Variants in IRF9 observed in about 807,000 individuals in gnomAD.
IRF9 encodes the protein interferon regulatory factor 9, also known as IFN-alpha-responsive transcription factor subunit.
A neutral mutation model predicts 44.1 loss-of-function variants in IRF9; 13 were observed. The observed-to-expected ratio is 0.29, with a 90% CI of 0.19 to 0.47. The LOEUF (loss-of-function observed/expected upper bound fraction) is 0.47. Ranked by LOEUF, IRF9 falls within the 20% of genes least tolerant of loss-of-function variation. The probability of loss-of-function intolerance (pLI) is 1.00; values close to 1 mark genes in which losing one functional copy is unlikely to be tolerated. For synonymous variants in IRF9, 189 were observed against 188.5 expected, an observed-to-expected ratio of 1.00 and a Z score of -0.02; for missense variants, 373 against 496.1, an observed-to-expected ratio of 0.75 and a Z score of 2.36.
In IRF9 at chr14:24,166,127, G is replaced by A. The variant is rs1256498544; in HGVS notation, c.1113G>A (p.Glu371=). Residue 371 remains glutamate, a synonymous_variant, in exon 9 of 9, where the codon GAG becomes GAA. Coordinates refer to ENST00000396864, the MANE Select transcript of IRF9 (RefSeq NM_006084.5). Reference sequence around the variant, plus strand: ...CTCCATCTCTTCCAATACAGATGGAGCAGGCCTTTGCCCGATACTTGCTGG... The same window carrying A: ...CTCCATCTCTTCCAATACAGATGGAACAGGCCTTTGCCCGATACTTGCTGG... ...TPQNLITVKM[E]QAFARYLLEQ... is the part of the protein sequence containing the mutation. 1 of 1,613,942 alleles carries A rather than the reference G, an allele frequency of 6.2e-7. No homozygotes were observed. The highest frequency in any genetic ancestry group is 8.5e-7 in the Non-Finnish European group (1 of 1,179,980).
At chr14:24,165,113 T>TGGCC (rs747066877) in intron 7 of IRF9, 158 bp downstream of exon 7, 34 of 768,076 alleles carry the variant, frequency 4.4e-5, no homozygotes, top group Non-Finnish European at 4.9e-5. Context: ...ATATCCTGTG[T>TGGCC]GGCCATATGC....
At position 24,162,206 on chromosome 14, in the gene IRF9, A is replaced by G. The variant is rs1377923513; in HGVS notation, c.62A>G (p.Glu21Gly). ...CGGAACTGGGTGGTGGAGCAAGTGG[A>G]GAGTGGGCAGTTTCCCGGAGTGTGC... The part of the protein sequence containing the change: ...KLRNWVVEQV[E>G]SGQFPGVCWD... Residue 21 changes from glutamate to glycine, a missense_variant, in exon 2 of 9, where the codon GAG becomes GGG. Physicochemically the swap from Glu to Gly is moderately conservative, Grantham distance 98 (BLOSUM62 -2). Around this residue, in one of 2 missense-constraint regions of IRF9, gnomAD observed 227 missense variants for 255.3 expected, o/e 0.89. Transcript: ENST00000396864. The G allele has an allele frequency of 6.2e-7, 1 of 1,614,126 alleles. No homozygotes were observed. The highest frequency in any genetic ancestry group is 8.5e-7 in the Non-Finnish European group (1 of 1,180,030).
In IRF9 at chr14:24,164,574, C is replaced by T. The variant is rs1332851396; in HGVS notation, c.650-40C>T. The stretch of plus-strand genomic sequence containing the variant: ...CTGGGGAGGGGCTGCTGCCAGCCTG[C>T]ATGCTCCTCCAGCACCAGGTAGGGC... On this transcript the variant is annotated intron_variant, in intron 6 of 8. Transcript: ENST00000396864. This position sits in a 1 kb window ranked among gnomAD's most constrained non-coding sequence, Gnocchi z 5.2. The T allele has an allele frequency of 4.6e-6, 7 of 1,529,622 alleles. No homozygotes were observed. The Admixed American group carries it at 5.7e-5, about 12-fold the overall frequency. 94.8% of individuals were successfully genotyped at this position (1,529,622 alleles called of 1,614,324 possible). A position where few individuals can be genotyped will look rare whatever the true frequency, so the allele number is the denominator to read the frequency against.
chr14:24,162,592 G>C (rs2038473745), intron 2 of IRF9: 1 of 448,142 alleles, frequency 2.2e-6, no homozygotes, highest in African/African-American at 2.0e-5. Context: ...ACGAGGTCAA[G>C]AGATCAAGAC....
In IRF9 at chr14:24,164,368, T is replaced by C. The variant is rs1594389985; in HGVS notation, c.649+234T>C. The C allele has an allele frequency of 3.3e-6, 2 of 602,962 alleles. No homozygotes were observed. Among genetic ancestry groups the C allele is most frequent in the African/African-American group, 1.9e-5 (1 of 53,914 alleles). 37.4% of individuals were successfully genotyped at this position (602,962 alleles called of 1,614,324 possible). Reference sequence around the variant, plus strand: ...TCTCCTGGAAATCTACATTGAGACATTGATTTCATTGGGCCAAACAGAGGC... The same window carrying C: ...TCTCCTGGAAATCTACATTGAGACACTGATTTCATTGGGCCAAACAGAGGC... On this transcript the variant is annotated intron_variant, in intron 6 of 8. Transcript: ENST00000396864. This position sits in a 1 kb window ranked among gnomAD's most constrained non-coding sequence, Gnocchi z 5.2.
At position 24,164,634 on chromosome 14, in the gene IRF9, T is replaced by A; in HGVS notation, c.670T>A (p.Phe224Ile). Residue 224 changes from phenylalanine (F) to isoleucine (I), a missense_variant, in exon 7 of 9, where the codon TTC (phenylalanine) becomes ATC (isoleucine). Around this residue, in one of 2 missense-constraint regions of IRF9, gnomAD observed 146 missense variants for 240.8 expected, o/e 0.61. Transcript: ENST00000396864. This position sits in a 1 kb window ranked among gnomAD's most constrained non-coding sequence, Gnocchi z 5.2. The stretch of plus-strand genomic sequence containing the variant: ...CCCAGACTACTCACTGCTGCTCACC[T>A]TCATCTACAACGGGCGCGTGGTGGG... ...PEPDYSLLLT[F>I]IYNGRVVGEA... 6.2e-7 allele frequency: 1 copy of A among 1,606,658 alleles called. No homozygotes were observed. Among genetic ancestry groups the A allele is most frequent in the Non-Finnish European group, 8.5e-7 (1 of 1,174,952 alleles).
At position 24,164,450 on chromosome 14, in the gene IRF9, C is replaced by G. The variant is rs2038497834; in HGVS notation, c.650-164C>G. The G allele has an allele frequency of 1.5e-6, 1 of 688,104 alleles. No individual in the cohort carries two copies. The highest frequency in any genetic ancestry group is 2.5e-6 in the Non-Finnish European group (1 of 405,864). 42.6% of individuals were successfully genotyped at this position (688,104 alleles called of 1,614,324 possible). On this transcript the variant is annotated intron_variant, in intron 6 of 8. Transcript: ENST00000396864. This position sits in a 1 kb window ranked among gnomAD's most constrained non-coding sequence, Gnocchi z 5.2. ...AGCCCCTGGGCATTGAGCCCTGAGG[C>G]CTCATGGTGAATCACATACTAGCTA...
rs765783196 is a variant in IRF9 at position 24,163,956 on chromosome 14, G to A, written c.574G>A (p.Glu192Lys). 2.5e-5 allele frequency: 41 copies of A among 1,608,288 alleles called. 1 individual carries two copies. The South Asian group carries it at 4.2e-4, about 16-fold the overall frequency. ...SSSSSSPEPQEVTDTTEAPFQ... is the reference protein window; with the variant it reads ...SSSSSSPEPQKVTDTTEAPFQ... Reference sequence around the variant, plus strand: ...CAGCAGCAGCAGCCCTGAGCCACAGGAAGGTACCACCTGCCCTGCCTCTTG... The same window carrying A: ...CAGCAGCAGCAGCCCTGAGCCACAGAAAGGTACCACCTGCCCTGCCTCTTG... The change falls in exon 5 of 9, where the codon GAA (glutamate) becomes AAA (lysine). Residue 192 changes from glutamate (E) to lysine (K), a missense_variant. Coordinates refer to ENST00000396864, the MANE Select transcript of IRF9 (RefSeq NM_006084.5).
At position 24,166,198 on chromosome 14, in the gene IRF9, G is replaced by A; in HGVS notation, c.*2G>A. The A allele has an allele frequency of 6.2e-7, 1 of 1,610,774 alleles. No individual in the cohort carries two copies. The highest frequency in any genetic ancestry group is 8.5e-7 in the Non-Finnish European group (1 of 1,178,674). The stretch of plus-strand genomic sequence containing the variant: ...GCAGCCATTCTGTCCCTGGTGTAGA[G>A]CCTGGGGGACCCATCTTCCACCTCA... On this transcript the variant is annotated 3_prime_UTR_variant, in exon 9 of 9. Transcript: ENST00000396864.
chr14:24,166,401 G>A lies in IRF9; in HGVS notation c.*205G>A. 3 of 598,404 alleles carry A rather than the reference G, an allele frequency of 5.0e-6. No homozygotes were observed. The East Asian group carries it at 8.3e-5, about 17-fold the overall frequency. The allele number at this position is 598,404 out of a possible 1,614,324, so 37.1% of individuals were successfully genotyped here. On this transcript the variant is annotated 3_prime_UTR_variant, in exon 9 of 9. Coordinates refer to ENST00000396864, the MANE Select transcript of IRF9 (RefSeq NM_006084.5). ...TATCCTTTTTTTTTTTTAATTTTGAGATATACGCCCTCTTTCATCTGTAAG... is the reference window on the plus strand; with the variant it reads ...TATCCTTTTTTTTTTTTAATTTTGAAATATACGCCCTCTTTCATCTGTAAG...
At chr14:24,165,176 T>A in intron 7 of IRF9, 1 of 704,016 alleles carries the variant, frequency 1.4e-6, no homozygotes, top group Non-Finnish European at 2.6e-6. Flanking sequence ...ATGGAAGAGG[T>A]GGTTCAGGTA....
chr14:24,163,520 A>C lies in IRF9; in HGVS notation c.495+12A>C. ...ACTCCCTCAATAATGTAAGAGATGG[A>C]GAGGGAACTGGGTGGGCCTAAGGGC... On this transcript the variant is annotated intron_variant, in intron 4 of 8. Coordinates refer to ENST00000396864, the MANE Select transcript of IRF9 (RefSeq NM_006084.5). 6.2e-7 allele frequency: 1 copy of C among 1,613,242 alleles called. No individual in the cohort carries two copies. Among genetic ancestry groups the C allele is most frequent in the Non-Finnish European group, 8.5e-7 (1 of 1,179,452 alleles).
rs1171768575 is a variant in IRF9 at position 24,164,194 on chromosome 14, C to T, written c.649+60C>T. 2.2e-6 allele frequency: 3 copies of T among 1,368,906 alleles called. No individual in the cohort carries two copies. The highest frequency in any genetic ancestry group is 2.9e-5 in the African/African-American group (2 of 69,926). 84.8% of individuals were successfully genotyped at this position (1,368,906 alleles called of 1,614,324 possible). ...TGCCCCTGAGGTCTTCCACCTTTGACTATGCATGCATTATCTAGTCAGTCA... is the reference window on the plus strand; with the variant it reads ...TGCCCCTGAGGTCTTCCACCTTTGATTATGCATGCATTATCTAGTCAGTCA... On this transcript the variant is annotated intron_variant, in intron 6 of 8. Coordinates refer to ENST00000396864, the MANE Select transcript of IRF9 (RefSeq NM_006084.5). This position sits in a 1 kb window ranked among gnomAD's most constrained non-coding sequence, Gnocchi z 5.2.
intron 7 of IRF9, 184 bp from the exon 8 acceptor site, chr14:24,165,663 G>T: frequency 1.7e-6 from 1 of 589,190 alleles, no homozygotes; most frequent in South Asian, 2.1e-5. Flanking sequence ...TGAGGCAGGG[G>T]CACCCTTTCC....
At position 24,164,074 on chromosome 14, in the gene IRF9, A is replaced by G. The variant is rs1355267181; in HGVS notation, c.589A>G (p.Thr197Ala). The change falls in exon 6 of 9, where the codon ACT becomes GCT. Residue 197 changes from threonine to alanine, a missense_variant. By Grantham distance (58) the Thr-to-Ala change is moderately conservative (BLOSUM62 0). Coordinates refer to ENST00000396864, the MANE Select transcript of IRF9 (RefSeq NM_006084.5). This position sits in a 1 kb window ranked among gnomAD's most constrained non-coding sequence, Gnocchi z 5.2. ...TGCTTCCCTTCCAGTTACAGACACA[A>G]CTGAGGCCCCCTTTCAAGGGGATCA... ...SPEPQEVTDTTEAPFQGDQRS... is the reference protein window; with the variant it reads ...SPEPQEVTDTAEAPFQGDQRS... The G allele has an allele frequency of 1.3e-5, 21 of 1,613,992 alleles. No individual in the cohort carries two copies. The highest frequency in any genetic ancestry group is 5.0e-5 in the Admixed American group (3 of 60,002).
chr14:24,165,086 C>A (rs776587343), intron 7 of IRF9, 131 bp downstream of exon 7: 1 of 851,298 alleles, frequency 1.2e-6, no homozygotes, highest in South Asian at 1.4e-5. Flanking sequence ...CATGGCACTC[C>A]TGCGCTTGTG....
Position 24,163,051 on chromosome 14 carries a change from A to G in IRF9, c.266A>G (p.Asn89Ser), listed in dbSNP as rs749583001. 22 of 1,614,052 alleles carry G rather than the reference A, an allele frequency of 1.4e-5. No individual in the cohort carries two copies. The highest frequency in any genetic ancestry group is 8.3e-5 in the Admixed American group (5 of 59,998). ...AAGACTCGCCTGCGCTGTGCACTCAACAAGAGTTCTGAATTTAAGGAGGTT... is the reference window on the plus strand; with the variant it reads ...AAGACTCGCCTGCGCTGTGCACTCAGCAAGAGTTCTGAATTTAAGGAGGTT... ...VWKTRLRCAL[N>S]KSSEFKEVPE... The change falls in exon 3 of 9, where the codon AAC becomes AGC. Residue 89 changes from asparagine (N) to serine (S), a missense_variant. Around this residue, in one of 2 missense-constraint regions of IRF9, gnomAD observed 227 missense variants for 255.3 expected, o/e 0.89. Coordinates refer to ENST00000396864, the MANE Select transcript of IRF9 (RefSeq NM_006084.5).
At chr14:24,162,815 AT>A in intron 2 of IRF9, 150 bp from the exon 3 acceptor site, 4 of 588,740 alleles carry the variant, frequency 6.8e-6, no homozygotes, top group East Asian at 6.1e-5. Context: ...AAAAAAAAAA[AT>A]TTCCAAGGAT....
At chr14:24,165,122 GC>G in intron 7 of IRF9, 167 bp downstream of exon 7, 1 of 744,706 alleles carries the variant, frequency 1.3e-6, no homozygotes, top group Non-Finnish European at 2.4e-6. Flanking sequence ...GTGGCCATAT[GC>G]CCAGCCTGGC....
Sources: allele counts gnomAD v4.1 joint callset, GRCh38; gene constraint gnomAD v4.1.1; regional missense constraint gnomAD v4.1.1; non-coding constraint Gnocchi (gnomAD v3.1); transcripts MANE v1.5; gene names NCBI Gene and HGNC (gene_info 2026-07-23, HGNC 2026-07-21).